The following GPHN variants were observed in gnomAD, a reference collection of about 807,000 sequenced individuals.
The protein encoded by GPHN is gephyrin.
Under a neutral mutation model 95.5 loss-of-function variants are expected in GPHN, and 17 were observed. That is an observed-to-expected ratio of 0.18 (90% confidence interval 0.12 to 0.27). GPHN has a LOEUF of 0.27. Among genes scored for constraint, GPHN ranks in the 10% least tolerant of loss-of-function variants. The pLI is 1.00. For missense variants in GPHN, 660 were observed against 978.1 expected, an observed-to-expected ratio of 0.67 and a Z score of 4.34; for synonymous variants, 320 against 322.5, an observed-to-expected ratio of 0.99 and a Z score of 0.08.
At chr14:67,424,945 C>A in the GPHN span, among the ~76,000 whole-genome samples, 3 of 152,346 alleles carry the variant, frequency 2.0e-5, no homozygotes, top group East Asian at 5.8e-4. Flanking sequence ...GGAGGCAGGG[C>A]TCCCTTCTCA....
At chr14:67,121,489 C>G (rs1725448730) in intron 16 of GPHN, among the ~76,000 whole-genome samples, 1 of 152,050 alleles carries the variant, frequency 6.6e-6, no homozygotes, top group South Asian at 2.1e-4. Flanking sequence ...GTTATTATTA[C>G]TATATTTTAT....
chr14:66,747,623 AC>A (rs1465989041), intron 2 of GPHN, among the ~76,000 whole-genome samples: 15 of 149,678 alleles, frequency 1.0e-4, no homozygotes, highest in African/African-American at 3.2e-4. Context: ...AAAAAAAAAA[AC>A]AAAACTGCCC....
At chr14:66,572,500 G>A (rs1038562997) in intron 1 of GPHN, among the ~76,000 whole-genome samples, 1 of 151,774 alleles carries the variant, frequency 6.6e-6, no homozygotes, top group African/African-American at 2.4e-5. Flanking sequence ...GTGTGTGTGT[G>A]TGTGTGTATA....
At chr14:66,750,981 A>G (rs2153447681) in intron 2 of GPHN, among the ~76,000 whole-genome samples, 1 of 152,052 alleles carries the variant, frequency 6.6e-6, no homozygotes, top group East Asian at 1.9e-4. Flanking sequence ...TTTTCATATC[A>G]ATGTCAAGTC....
At chr14:67,032,717 C>G (rs1415675585) in intron 10 of GPHN, among the ~76,000 whole-genome samples, 2 of 152,112 alleles carry the variant, frequency 1.3e-5, no homozygotes, top group Non-Finnish European at 2.9e-5. Context: ...TCACATTCCC[C>G]CGCTTTCAAA....
chr14:66,838,911 G>GT (rs1373355432), intron 4 of GPHN, among the ~76,000 whole-genome samples: 1 of 152,138 alleles, frequency 6.6e-6, no homozygotes, highest in Admixed American at 6.5e-5. Context: ...TAACTTTGTT[G>GT]TTACTGCCTG....
At chr14:67,604,710 AAAC>A in the GPHN span, among the ~76,000 whole-genome samples, 2 of 125,358 alleles carry the variant, frequency 1.6e-5, no homozygotes, top group East Asian at 2.4e-4. Flanking sequence ...AAAACAAACA[AAAC>A]AACAACAACA....
chr14:67,184,646 A>G (rs959144005), downstream of GPHN, among the ~76,000 whole-genome samples: 1 of 152,152 alleles, frequency 6.6e-6, no homozygotes, highest in African/African-American at 2.4e-5. Context: ...AGTTTTATGG[A>G]GGAGTTGAGT....
At chr14:67,707,463 C>A in the GPHN span, among the ~76,000 whole-genome samples, 1 of 152,142 alleles carries the variant, frequency 6.6e-6, no homozygotes, top group Admixed American at 6.5e-5. Context: ...GAGTCTCACT[C>A]TGCTGCCCAG....
chr14:66,838,461 T>C (rs76295776), intron 4 of GPHN, among the ~76,000 whole-genome samples: 1,830 of 152,258 alleles, frequency 0.012, 19 homozygotes, highest in Non-Finnish European at 0.018. Context: ...GAAGACATGT[T>C]AAATCCTTGT....
intron 18 of GPHN, among the ~76,000 whole-genome samples, chr14:67,148,378 A>G (rs1295126817): frequency 6.6e-6 from 1 of 152,166 alleles, no homozygotes. Flanking sequence ...CACAGTTACT[A>G]GAAACCAGGG....
At chr14:66,579,725 AG>A in intron 1 of GPHN, among the ~76,000 whole-genome samples, 1 of 151,990 alleles carries the variant, frequency 6.6e-6, no homozygotes, top group Admixed American at 6.5e-5. Flanking sequence ...ATAGATCTGA[AG>A]GGAGAGACAA....
the GPHN span, among the ~76,000 whole-genome samples, chr14:67,381,914 A>AT: frequency 6.6e-6 from 1 of 152,112 alleles, no homozygotes; most frequent in South Asian, 2.1e-4. Flanking sequence ...GGAGATTCCT[A>AT]TTGGTAGAAA....
chr14:67,087,606 A>G (rs1253505010), intron 11 of GPHN, among the ~76,000 whole-genome samples: 1 of 152,150 alleles, frequency 6.6e-6, no homozygotes, highest in African/African-American at 2.4e-5. Flanking sequence ...GGAAGAGTCA[A>G]TATCACTATA....
the GPHN span, among the ~76,000 whole-genome samples, chr14:67,282,637 A>T: frequency 1.3e-5 from 2 of 152,148 alleles, no homozygotes; most frequent in African/African-American, 2.4e-5. Flanking sequence ...TTGAAAGATA[A>T]GAAATAGTGA....
At chr14:67,059,254 G>T (rs981958803) in intron 11 of GPHN, among the ~76,000 whole-genome samples, 1 of 151,984 alleles carries the variant, frequency 6.6e-6, no homozygotes, top group African/African-American at 2.4e-5. Context: ...TTTATCCATG[G>T]ATACTAAGAC....
At chr14:67,638,477 T>C in the GPHN span, among the ~76,000 whole-genome samples, 22 of 152,144 alleles carry the variant, frequency 1.4e-4, no homozygotes, top group African/African-American at 5.3e-4. Flanking sequence ...TACAGAGAAT[T>C]TCAAAACAAA....
chr14:66,928,827 C>T (rs1162942451), intron 8 of GPHN, among the ~76,000 whole-genome samples: 1 of 151,956 alleles, frequency 6.6e-6, no homozygotes, highest in Non-Finnish European at 1.5e-5. Flanking sequence ...GTATCATTTC[C>T]AAAGTTTTTT....
intron 2 of GPHN, among the ~76,000 whole-genome samples, chr14:66,682,074 A>T (rs1052875304): frequency 1.3e-5 from 2 of 152,184 alleles, no homozygotes; most frequent in Non-Finnish European, 2.9e-5. Flanking sequence ...CTTGAAGATT[A>T]TTGATTCTTT....
Sources: gnomAD v4.1 joint callset for allele counts (sites outside exome capture counted in the v4.1 genomes callset) on GRCh38, gnomAD v4.1.1 for gene constraint, MANE v1.5 for transcripts, NCBI Gene and HGNC (gene_info 2026-07-23, HGNC 2026-07-21) for gene names.